Variants in ISM1 observed in about 807,000 individuals in gnomAD.
ISM1 encodes the protein isthmin-1.
A neutral mutation model predicts 46.3 loss-of-function variants in ISM1; 25 were observed. That is an observed-to-expected ratio of 0.54 (90% CI 0.39 to 0.75). The LOEUF (loss-of-function observed/expected upper bound fraction) is 0.75. ISM1 is among the 30% of genes least tolerant of loss of function. The pLI is 0.00. For synonymous variants in ISM1, 255 were observed against 256.7 expected (o/e 0.99, Z 0.06); for missense variants, 536 against 625.4 (o/e 0.86, Z 1.52).
intron 1 of ISM1, among the ~76,000 whole-genome samples, chr20:13,222,679 G>A (rs918125264): frequency 6.6e-6 from 1 of 152,192 alleles, no homozygotes; most frequent in Non-Finnish European, 1.5e-5. Context: ...TTCAGGGCAA[G>A]GAGAGGGCGT....
chr20:13,303,542 C>A (rs1052830369), downstream of ISM1, among the ~76,000 whole-genome samples: 1 of 152,190 alleles, frequency 6.6e-6, no homozygotes, highest in Non-Finnish European at 1.5e-5. Context: ...AGGCACCTAA[C>A]CTTCCTACAT....
the ISM1 span, among the ~76,000 whole-genome samples, chr20:13,311,216 T>C: frequency 7.5e-6 from 1 of 133,206 alleles, no homozygotes. Context: ...TATAGATAGA[T>C]GATAGATAGA....
intron 2 of ISM1, among the ~76,000 whole-genome samples, chr20:13,274,102 A>T (rs1479157837): frequency 6.6e-6 from 1 of 151,490 alleles, no homozygotes; most frequent in Non-Finnish European, 1.5e-5. Flanking sequence ...CATGCACACA[A>T]ACACACCCAC....
At chr20:13,293,122 C>A (rs2040370889) in intron 5 of ISM1, among the ~76,000 whole-genome samples, 1 of 151,720 alleles carries the variant, frequency 6.6e-6, no homozygotes, top group East Asian at 1.9e-4. Flanking sequence ...ATGGTGTGAA[C>A]CCAGGAGGCG....
chr20:13,235,712 C>T lies in ISM1; in HGVS notation c.138+13798C>T, dbSNP rs2039640304. Among the ~76,000 whole-genome samples, 3 of 152,148 alleles carry T rather than the reference C, an allele frequency of 2.0e-5. No homozygotes were observed. In the South Asian group the frequency reaches 6.2e-4, roughly 31 times the overall value. ...TCCATCTTTTTTCAGAATGGTTGTC[C>T]TTTCACTGCTTACAAATTGTGTGCT... On this transcript the variant is annotated intron_variant, in intron 1 of 5. Transcript: ENST00000262487.
At chr20:13,240,820 T>C (rs527848395) in intron 1 of ISM1, among the ~76,000 whole-genome samples, 2 of 152,260 alleles carry the variant, frequency 1.3e-5, no homozygotes, top group South Asian at 2.1e-4. Flanking sequence ...GGATATGCTG[T>C]TGGATTGCAT....
the ISM1 span, among the ~76,000 whole-genome samples, chr20:13,323,739 T>C: frequency 2.0e-5 from 3 of 152,126 alleles, no homozygotes; most frequent in African/African-American, 7.3e-5. Flanking sequence ...AATGAGAGTA[T>C]TTAGTATTTA....
At chr20:13,268,752 A>T (rs2040076761) in intron 1 of ISM1, among the ~76,000 whole-genome samples, 1 of 152,106 alleles carries the variant, frequency 6.6e-6, no homozygotes, top group South Asian at 2.1e-4. Flanking sequence ...AAACAGATTT[A>T]TAAAAATCCA....
Position 13,266,037 on chromosome 20 carries a change from A to G in ISM1, c.139-4467A>G, listed in dbSNP as rs190565067. Among the ~76,000 whole-genome samples, 43 of 152,310 alleles carry G rather than the reference A, an allele frequency of 2.8e-4. No homozygotes were observed. In the East Asian group the frequency reaches 5.6e-3, roughly 20 times the overall value. ...GACAAAGTGGAAGAGAGAAAGGCAA[A>G]TGGCAAAACCGAATCTGAAAACTCC... is the stretch of plus-strand genomic sequence containing the variant. On this transcript the variant is annotated intron_variant, in intron 1 of 5. Transcript: ENST00000262487.
At chr20:13,244,267 G>T (rs539619447) in intron 1 of ISM1, 2 of 151,938 alleles carry the variant, frequency 1.3e-5, no homozygotes, top group South Asian at 2.1e-4. Context: ...AAAACAGCTC[G>T]TCTCTGACTG....
chr20:13,249,559 G>A (rs929718126), intron 1 of ISM1, among the ~76,000 whole-genome samples: 1 of 152,122 alleles, frequency 6.6e-6, no homozygotes, highest in African/African-American at 2.4e-5. Context: ...GAAAATAAAC[G>A]AGCTTTCATT....
the ISM1 span, among the ~76,000 whole-genome samples, chr20:13,307,669 G>A: frequency 2.0e-5 from 3 of 152,060 alleles, no homozygotes; most frequent in African/African-American, 4.8e-5. Context: ...TTTGACCTTC[G>A]GGTAAATGGA....
At chr20:13,274,059 T>TTGTGTGTGTGTG (rs143496462) in intron 2 of ISM1, among the ~76,000 whole-genome samples, 16 of 150,824 alleles carry the variant, frequency 1.1e-4, no homozygotes, top group African/African-American at 3.9e-4. Context: ...TGGCGTGTAA[T>TTGTGTGTGTGTG]TGTGTGTGTG....
rs148963465 is a variant in ISM1, at chr20:13,242,580, A to G, written c.138+20666A>G. Reference sequence around the variant, plus strand: ...CAATTAAGTGTTCAGAGATGTGTAGAATGGAGAGCCTGGTCTCTTGATGGC... The same window carrying G: ...CAATTAAGTGTTCAGAGATGTGTAGGATGGAGAGCCTGGTCTCTTGATGGC... On this transcript the variant is annotated intron_variant, in intron 1 of 5. Transcript: ENST00000262487. Among the ~76,000 whole-genome samples the G allele has an allele frequency of 7.3e-3, 1,107 of 152,300 alleles. 10 individuals are homozygous for G. Among genetic ancestry groups the G allele is most frequent in the Middle Eastern group, 0.014 (4 of 294 alleles).
intron 1 of ISM1, among the ~76,000 whole-genome samples, chr20:13,247,517 GGTGTGTGTGTGTGTGTGTGT>G (rs35224672): frequency 7.2e-6 from 1 of 139,806 alleles, no homozygotes; most frequent in Admixed American, 7.1e-5. Context: ...CAAAGTGAGG[GGTGTGTGTGTGTGTGTGTGT>G]GTGTGTGTGT....
At chr20:13,261,188 T>A (rs1184987093) in intron 1 of ISM1, among the ~76,000 whole-genome samples, 1 of 151,900 alleles carries the variant, frequency 6.6e-6, no homozygotes, top group Non-Finnish European at 1.5e-5. Context: ...CTGAGTTGGG[T>A]GGATCACCTG....
chr20:13,300,746 G>GA (rs1257697695), downstream of ISM1: 2 of 152,224 alleles, frequency 1.3e-5, no homozygotes, highest in African/African-American at 4.8e-5. Flanking sequence ...ACCCAGGTGG[G>GA]AATAAAAGGC....
chr20:13,311,703 G>A, the ISM1 span, among the ~76,000 whole-genome samples: 2 of 152,130 alleles, frequency 1.3e-5, no homozygotes, highest in African/African-American at 2.4e-5. Context: ...CAAATTCTGC[G>A]TGATCTCACT....
At chr20:13,234,695 CT>C (rs2123145574) in intron 1 of ISM1, among the ~76,000 whole-genome samples, 1 of 152,206 alleles carries the variant, frequency 6.6e-6, no homozygotes, top group Non-Finnish European at 1.5e-5. Context: ...TTTTATTTCT[CT>C]GATAATTAGT....
Sources: allele counts gnomAD v4.1 joint callset (sites outside exome capture counted in the v4.1 genomes callset), GRCh38; gene constraint gnomAD v4.1.1; transcripts MANE v1.5; gene names NCBI Gene and HGNC (gene_info 2026-07-23, HGNC 2026-07-21).